ARHGEF10: variants seen among roughly 807,000 people sequenced by gnomAD.
ARHGEF10 encodes the protein Rho guanine nucleotide exchange factor 10.
A neutral mutation model predicts 147.4 loss-of-function variants in ARHGEF10; 140 were observed. That is an observed-to-expected ratio of 0.95 (90% CI 0.83 to 1.09). The LOEUF (loss-of-function observed/expected upper bound fraction) is 1.09, where lower values mean the gene tolerates loss of function less well. ARHGEF10 is among the 50% of genes least tolerant of loss of function. ARHGEF10 has a pLI of 0.00. For missense variants in ARHGEF10, 2,222 were observed against 1,752.7 expected (o/e 1.27, Z -4.78); for synonymous variants, 902 against 695.8 (o/e 1.30, Z -4.67).
intron 26 of ARHGEF10, among the ~76,000 whole-genome samples, chr8:1,942,781 G>A (rs1200160603): frequency 2.0e-5 from 3 of 152,296 alleles, no homozygotes; most frequent in Non-Finnish European, 4.4e-5. Flanking sequence ...CCCAACTCAC[G>A]TCACGTGGAT....
intron 18 of ARHGEF10, among the ~76,000 whole-genome samples, chr8:1,919,195 TTCCGTGGGTGATGGAGCTGC>T (rs1333104240): frequency 0.011 from 1,556 of 147,906 alleles, 52 homozygotes; most frequent in African/African-American, 0.036. Context: ...GATGGAGCTG[TTCCGTGGGTGATGGAGCTGC>T]TCCGTGGGTG....
chr8:1,937,171 C>T lies in ARHGEF10; in HGVS notation c.3222+3229C>T, dbSNP rs1443518877. Among the ~76,000 whole-genome samples, 1 of 152,108 alleles carries T rather than the reference C, an allele frequency of 6.6e-6. No individual in the cohort carries two copies. Among genetic ancestry groups the T allele is most frequent in the African/African-American group, 2.4e-5 (1 of 41,424 alleles). On this transcript the variant is annotated intron_variant, in intron 26 of 28. Transcript: ENST00000349830. This position sits in a 1 kb window ranked among gnomAD's most constrained non-coding sequence, Gnocchi z 4.9. ...TAGATGATTTTTGGCAGTATTGTTC[C>T]TGTTACTTTTCATATCCATCTGACA... is the stretch of plus-strand genomic sequence containing the variant.
chr8:1,842,997 T>G (rs1162548399), intron 1 of ARHGEF10, among the ~76,000 whole-genome samples: 6 of 152,218 alleles, frequency 3.9e-5, no homozygotes, highest in African/African-American at 1.4e-4. Context: ...GAAACCCATT[T>G]GGTTTACATG....
chr8:1,895,212 G>A (rs537271160), intron 13 of ARHGEF10, among the ~76,000 whole-genome samples: 4 of 152,202 alleles, frequency 2.6e-5, no homozygotes, highest in Middle Eastern at 3.2e-3. Flanking sequence ...TGGCAGTTTC[G>A]AGTCATTTTA....
At chr8:1,831,548 G>C (rs1296772028) in intron 1 of ARHGEF10, among the ~76,000 whole-genome samples, 1 of 145,064 alleles carries the variant, frequency 6.9e-6, no homozygotes, top group Non-Finnish European at 1.5e-5. Context: ...TGTGACGGCC[G>C]TGGAGGGACA....
Position 1,921,704 on chromosome 8 carries a change from C to T in ARHGEF10, c.2144-1260C>T, listed in dbSNP as rs145558683. Among the ~76,000 whole-genome samples, 79 of 151,606 alleles carry T rather than the reference C, an allele frequency of 5.2e-4. No individual in the cohort carries two copies. The East Asian group carries it at 0.013, about 24-fold the overall frequency. The stretch of plus-strand genomic sequence containing the variant: ...GAGCTGAGATCGTGCCATCGCACTG[C>T]AGCCTGGGGGACAAGAGCGACACTT... On this transcript the variant is annotated intron_variant, in intron 18 of 28. Transcript: ENST00000349830.
chr8:1,907,915 C>A (rs1484066515), intron 17 of ARHGEF10, among the ~76,000 whole-genome samples: 1 of 152,170 alleles, frequency 6.6e-6, no homozygotes, highest in African/African-American at 2.4e-5. Flanking sequence ...TCTAAACCTC[C>A]TCTGTAGGGA....
intron 28 of ARHGEF10, among the ~76,000 whole-genome samples, chr8:1,953,556 C>T (rs901406120): frequency 6.6e-6 from 1 of 152,252 alleles, no homozygotes; most frequent in Non-Finnish European, 1.5e-5. Context: ...ATTCCCAATC[C>T]AGGGAATTGG....
At chr8:1,874,874 G>GCAGACACACACCAGGGCGTGTA (rs1225550315) in intron 7 of ARHGEF10, among the ~76,000 whole-genome samples, 1 of 80,114 alleles carries the variant, frequency 1.2e-5, no homozygotes, top group African/African-American at 5.0e-5. Context: ...ACAGTCTGGT[G>GCAGACACACACCAGGGCGTGTA]GGAGAGTGCA....
In ARHGEF10 at chr8:1,894,386, G is replaced by A. The variant is rs768567712; in HGVS notation, c.1261-7G>A. On this transcript the variant is annotated splice_region_variant and splice_polypyrimidine_tract_variant and intron_variant, in intron 12 of 28. Coordinates refer to ENST00000349830, the MANE Select transcript of ARHGEF10 (RefSeq NM_014629.4). ...AGTCTGAACTGTCTTTGCTCATTTT[G>A]TCTTAGCAATATGAGAAGCCGCTGT... 15 of 1,613,968 alleles carry A rather than the reference G, an allele frequency of 9.3e-6. No homozygotes were observed. The highest frequency in any genetic ancestry group is 4.0e-5 in the African/African-American group (3 of 74,894).
chr8:1,902,944 T>G (rs1209651578), intron 15 of ARHGEF10, among the ~76,000 whole-genome samples: 2 of 152,198 alleles, frequency 1.3e-5, no homozygotes, highest in Non-Finnish European at 2.9e-5. Flanking sequence ...CATGGGTTCA[T>G]CTGTCTGACT....
intron 6 of ARHGEF10, among the ~76,000 whole-genome samples, chr8:1,866,952 C>T (rs1036649387): frequency 6.6e-6 from 1 of 152,028 alleles, no homozygotes; most frequent in African/African-American, 2.4e-5. Flanking sequence ...CCTGCGCTTG[C>T]CTGTGATTCC....
chr8:1,936,433 C>T (rs1166644666), intron 26 of ARHGEF10, among the ~76,000 whole-genome samples: 1 of 152,060 alleles, frequency 6.6e-6, no homozygotes. Context: ...TCACTTGAGC[C>T]CACGAAGCTG....
intron 17 of ARHGEF10, among the ~76,000 whole-genome samples, chr8:1,907,090 G>A (rs759178376): frequency 6.6e-6 from 1 of 152,228 alleles, no homozygotes; most frequent in Non-Finnish European, 1.5e-5. Flanking sequence ...TGAGGCCGTG[G>A]GAGGTCGCAG....
At chr8:1,921,619 A>T (rs934089715) in intron 18 of ARHGEF10, among the ~76,000 whole-genome samples, 7 of 152,138 alleles carry the variant, frequency 4.6e-5, no homozygotes, top group Non-Finnish European at 1.0e-4. Context: ...CTGTAGTCCC[A>T]GCTTATTCGG....
chr8:1,953,667 C>T (rs868001131), intron 28 of ARHGEF10, among the ~76,000 whole-genome samples: 3 of 152,148 alleles, frequency 2.0e-5, no homozygotes, highest in Non-Finnish European at 4.4e-5. Flanking sequence ...ACCCGCAGTT[C>T]GTAATGACGG....
chr8:1,895,504 C>T (rs959335895), intron 13 of ARHGEF10, among the ~76,000 whole-genome samples: 1 of 152,014 alleles, frequency 6.6e-6, no homozygotes, highest in East Asian at 1.9e-4. Flanking sequence ...AAGATATTTG[C>T]ATAATACCGT....
chr8:1,869,302 C>T lies in ARHGEF10; in HGVS notation c.679+52C>T, dbSNP rs746040152. 9 of 1,475,724 alleles carry T rather than the reference C, an allele frequency of 6.1e-6. No homozygotes were observed. In the East Asian group the frequency reaches 9.1e-5, roughly 15 times the overall value. The allele number at this position is 1,475,724 out of a possible 1,614,324, so 91.4% of individuals were successfully genotyped here. On this transcript the variant is annotated intron_variant, in intron 7 of 28. Coordinates refer to ENST00000349830, the MANE Select transcript of ARHGEF10 (RefSeq NM_014629.4). ...AGGAGATTCAGCTCAGCAGCCTTTC[C>T]CTCTGGATGCCAAAGTGACTATTTA... is the stretch of plus-strand genomic sequence containing the variant.
chr8:1,832,046 T>A (rs1414508399), intron 1 of ARHGEF10, among the ~76,000 whole-genome samples: 2 of 152,136 alleles, frequency 1.3e-5, no homozygotes, highest in African/African-American at 4.8e-5. Flanking sequence ...AATGCGGTGC[T>A]TCCTCCTGAC....
Sources: gnomAD v4.1 joint callset for allele counts (sites outside exome capture counted in the v4.1 genomes callset) on GRCh38, gnomAD v4.1.1 for gene constraint, Gnocchi (gnomAD v3.1) non-coding constraint, MANE v1.5 for transcripts, NCBI Gene and HGNC (gene_info 2026-07-23, HGNC 2026-07-21) for gene names.